FRAS1: variants seen among roughly 807,000 people sequenced by gnomAD.
The protein encoded by FRAS1 is extracellular matrix organizing protein FRAS1.
FRAS1 carries 290 observed loss-of-function variants against 435.2 expected under a neutral mutation model. That is an observed-to-expected ratio of 0.67 (90% CI 0.61 to 0.73). The LOEUF is 0.73. Among genes scored for constraint, FRAS1 ranks in the 30% least tolerant of loss-of-function variants. FRAS1 has a pLI of 0.00. For missense variants in FRAS1, 4,860 were observed against 5,001.5 expected, an observed-to-expected ratio of 0.97 and a Z score of 0.85; for synonymous variants, 1,800 against 1,851.0, an observed-to-expected ratio of 0.97 and a Z score of 0.71.
intron 2 of FRAS1, among the ~76,000 whole-genome samples, chr4:78,124,668 T>C (rs931209569): frequency 7.2e-5 from 11 of 152,212 alleles, no homozygotes; most frequent in Admixed American, 7.2e-4. Flanking sequence ...TTCTGATCTA[T>C]GCAGAGATTC....
At chr4:78,453,637 T>C (rs541646765) in intron 47 of FRAS1, among the ~76,000 whole-genome samples, 1 of 152,126 alleles carries the variant, frequency 6.6e-6, no homozygotes, top group Admixed American at 6.5e-5. Context: ...CCCGTTTATT[T>C]TCTTTTCTTT....
intron 2 of FRAS1, among the ~76,000 whole-genome samples, chr4:78,133,227 A>G (rs1225422132): frequency 6.6e-6 from 1 of 152,220 alleles, no homozygotes; most frequent in African/African-American, 2.4e-5. Flanking sequence ...ACATGTATGG[A>G]ACTGGAGGTC....
intron 10 of FRAS1, among the ~76,000 whole-genome samples, chr4:78,280,949 C>A (rs1420096536): frequency 6.6e-6 from 1 of 152,044 alleles, no homozygotes; most frequent in African/African-American, 2.4e-5. Flanking sequence ...GGTTTTAAAG[C>A]CTCCCTATAA....
intron 2 of FRAS1, among the ~76,000 whole-genome samples, chr4:78,161,231 T>G (rs976449126): frequency 6.6e-6 from 1 of 152,224 alleles, no homozygotes; most frequent in African/African-American, 2.4e-5. Context: ...TTATTTTTAA[T>G]GAGAATTTAT....
rs779830607 is a variant in FRAS1 at position 78,522,702 on chromosome 4, A to T, written c.10702A>T (p.Thr3568Ser). ...CCCAGAAGTGAAATCTTTCGTATTG[A>T]CTCCAGACCACCTAGGAGGAATTGA... ...TLPEVKSFVL[T>S]PDHLGGIEFD... Residue 3568 changes from threonine (T) to serine (S), a missense_variant, in exon 69 of 74, where the codon ACT (threonine) becomes TCT (serine). Physicochemically the swap from Thr to Ser is moderately conservative, Grantham distance 58. Coordinates refer to ENST00000512123, the MANE Select transcript of FRAS1 (RefSeq NM_025074.7). 3 of 1,610,172 alleles carry T rather than the reference A, an allele frequency of 1.9e-6. No individual in the cohort carries two copies. The highest frequency in any genetic ancestry group is 2.7e-5 in the African/African-American group (2 of 74,758).
chr4:78,225,035 G>T (rs1490714845), intron 2 of FRAS1, among the ~76,000 whole-genome samples: 2 of 152,264 alleles, frequency 1.3e-5, no homozygotes, highest in Non-Finnish European at 2.9e-5. Flanking sequence ...ATTCCATGCA[G>T]GGGTGTACAT....
chr4:78,280,003 G>A (rs1277054976), intron 10 of FRAS1, among the ~76,000 whole-genome samples: 8 of 152,158 alleles, frequency 5.3e-5, no homozygotes, highest in African/African-American at 1.9e-4. Context: ...CACTGTGGCT[G>A]TAACTTTCAC....
At chr4:78,077,420 T>C (rs1466975074) in intron 2 of FRAS1, among the ~76,000 whole-genome samples, 1 of 152,000 alleles carries the variant, frequency 6.6e-6, no homozygotes, top group Middle Eastern at 3.2e-3. Context: ...TTTTGTTTTG[T>C]AGATAAATTA....
At chr4:78,321,359 T>C (rs79242791) in intron 18 of FRAS1, among the ~76,000 whole-genome samples, 4,351 of 152,210 alleles carry the variant, frequency 0.029, 213 homozygotes, top group African/African-American at 0.096. Context: ...CCAGTATCCG[T>C]GCTATAAACC....
chr4:78,433,869 G>C (rs1188500876), intron 38 of FRAS1, among the ~76,000 whole-genome samples: 3 of 152,304 alleles, frequency 2.0e-5, no homozygotes, highest in Non-Finnish European at 4.4e-5. Context: ...ATTATAAGCT[G>C]CATATCAAAA....
At chr4:78,136,271 A>G (rs1000520379) in intron 2 of FRAS1, among the ~76,000 whole-genome samples, 4 of 152,188 alleles carry the variant, frequency 2.6e-5, no homozygotes, top group Admixed American at 6.5e-5. Context: ...ACAGTATGGG[A>G]GCTGAAACAG....
In FRAS1 at chr4:78,482,018, T is replaced by A. The variant is rs1017014407; in HGVS notation, c.8604+54T>A. On this transcript the variant is annotated intron_variant, in intron 57 of 73. Coordinates refer to ENST00000512123, the MANE Select transcript of FRAS1 (RefSeq NM_025074.7). ...AAGTTGACAGGTCGGTTTGTGAATG[T>A]TGTCTTTAGTTTGCTTCCCAAGCTC... 12 of 1,560,126 alleles carry A rather than the reference T, an allele frequency of 7.7e-6. No individual in the cohort carries two copies. The Admixed American group carries it at 2.1e-4, about 27-fold the overall frequency.
intron 47 of FRAS1, among the ~76,000 whole-genome samples, chr4:78,461,329 T>G (rs1370286049): frequency 6.6e-6 from 1 of 152,168 alleles, no homozygotes; most frequent in Non-Finnish European, 1.5e-5. Flanking sequence ...TCTAGATAAG[T>G]TTTACAAAAA....
chr4:78,140,704 C>CGTGTGTGTATATGT lies in FRAS1; in HGVS notation c.108+74688_108+74689insGTGTGTGTATATGT, dbSNP rs59949795. On this transcript the variant is annotated intron_variant, in intron 2 of 73. Transcript: ENST00000512123. ...ATATGCATATACATATGTGTATATG[C>CGTGTGTGTATATGT]ATATACGTGTGTGTATATGTATATA... Among the ~76,000 whole-genome samples the CGTGTGTGTATATGT allele has an allele frequency of 9.4e-4, 112 of 118,994 alleles. 6 individuals carry two copies. The highest frequency in any genetic ancestry group is 2.3e-3 in the African/African-American group (55 of 23,688). The allele number at this position is 118,994 out of a possible 152,430, so 78.1% of individuals were successfully genotyped here. A position where few individuals can be genotyped will look rare whatever the true frequency, so the allele number is the denominator to read the frequency against.
chr4:78,104,521 G>C (rs1742292866), intron 2 of FRAS1, among the ~76,000 whole-genome samples: 1 of 152,166 alleles, frequency 6.6e-6, no homozygotes. Flanking sequence ...AAATAGGTCT[G>C]ATCTCACTAG....
chr4:78,239,289 C>T (rs1724900827), intron 3 of FRAS1, among the ~76,000 whole-genome samples: 1 of 152,156 alleles, frequency 6.6e-6, no homozygotes, highest in Non-Finnish European at 1.5e-5. Flanking sequence ...TTTGACTCCC[C>T]ACTTTCTCCC....
At chr4:78,076,157 T>C (rs1395267581) in intron 2 of FRAS1, among the ~76,000 whole-genome samples, 1 of 151,914 alleles carries the variant, frequency 6.6e-6, no homozygotes. Flanking sequence ...TTGGAGGGGG[T>C]GTGGGTGGCT....
chr4:78,274,852 C>G (rs1726912241), intron 9 of FRAS1, among the ~76,000 whole-genome samples: 1 of 152,142 alleles, frequency 6.6e-6, no homozygotes, highest in South Asian at 2.1e-4. Flanking sequence ...GAGCTGAGTT[C>G]AATTCCTGGA....
At position 78,430,424 on chromosome 4, in the gene FRAS1, A is replaced by G. The variant is rs1734169757; in HGVS notation, c.4969+7A>G. On this transcript the variant is annotated splice_region_variant and intron_variant, in intron 37 of 73. Transcript: ENST00000512123. ...CGAAGGCCGATGGCCACAGGTAGCT[A>G]CACACCTACACACTCTGTCACTGAC... is the stretch of plus-strand genomic sequence containing the variant. 6.2e-7 allele frequency: 1 copy of G among 1,608,476 alleles called. No homozygotes were observed. Among genetic ancestry groups the G allele is most frequent in the Non-Finnish European group, 8.5e-7 (1 of 1,176,306 alleles).
Sources: allele counts gnomAD v4.1 joint callset (sites outside exome capture counted in the v4.1 genomes callset), GRCh38; gene constraint gnomAD v4.1.1; transcripts MANE v1.5; gene names NCBI Gene and HGNC (gene_info 2026-07-23, HGNC 2026-07-21).